TGM6: variants seen among roughly 807,000 people sequenced by gnomAD.
The protein encoded by TGM6 is protein-glutamine gamma-glutamyltransferase 6.
TGM6 carries 74 observed loss-of-function variants against 77.5 expected under a neutral mutation model. The observed-to-expected ratio is 0.96, with a 90% CI of 0.79 to 1.16. The LOEUF (loss-of-function observed/expected upper bound fraction) is 1.16, where lower values mean the gene tolerates loss of function less well. Among genes scored for constraint, TGM6 ranks in the 50% most tolerant of loss-of-function variants. TGM6 has a pLI of 0.00. For missense variants in TGM6, 968 were observed against 940.2 expected (o/e 1.03, Z -0.39); for synonymous variants, 383 against 378.9 (o/e 1.01, Z -0.12).
chr20:2,417,809 CT>C (rs2084829196), intron 10 of TGM6, among the ~76,000 whole-genome samples: 1 of 152,122 alleles, frequency 6.6e-6, no homozygotes, highest in Non-Finnish European at 1.5e-5. Flanking sequence ...TGGTGGCAAT[CT>C]GATGAAGATG....
intron 5 of TGM6, among the ~76,000 whole-genome samples, 176 bp downstream of exon 5, chr20:2,398,222 TA>T (rs1322926306): frequency 6.6e-6 from 1 of 152,234 alleles, no homozygotes; most frequent in Non-Finnish European, 1.5e-5. Context: ...TACTGTTTTT[TA>T]GACTAGGAAT....
At chr20:2,430,087 G>A (rs1238118116) in intron 10 of TGM6, among the ~76,000 whole-genome samples, 9 of 152,196 alleles carry the variant, frequency 5.9e-5, no homozygotes, top group Non-Finnish European at 1.3e-4. Flanking sequence ...AACAGAGAAG[G>A]ATGGGATGAA....
chr20:2,429,645 T>C (rs1267323055), intron 10 of TGM6, among the ~76,000 whole-genome samples: 2 of 152,154 alleles, frequency 1.3e-5, no homozygotes, highest in African/African-American at 4.8e-5. Flanking sequence ...GGCATGTGCC[T>C]GTAGTCCCAG....
At chr20:2,430,387 C>T (rs2084916164) in intron 10 of TGM6, 59 bp from the exon 11 acceptor site, 2 of 1,605,796 alleles carry the variant, frequency 1.2e-6, no homozygotes, top group Non-Finnish European at 1.7e-6. Flanking sequence ...CTTCCTTCTT[C>T]CCAGTGCCAT....
At chr20:2,417,630 T>C in intron 10 of TGM6, 57 bp downstream of exon 10, 1 of 1,523,604 alleles carries the variant, frequency 6.6e-7, no homozygotes, top group Non-Finnish European at 8.8e-7. Context: ...TTCAGGAGGG[T>C]TGTGGAGGTC....
intron 12 of TGM6, among the ~76,000 whole-genome samples, chr20:2,432,239 G>T (rs2084928355): frequency 6.6e-6 from 1 of 152,040 alleles, no homozygotes; most frequent in Non-Finnish European, 1.5e-5. Flanking sequence ...GTAGAGATGA[G>T]GTTTCACCAC....
At chr20:2,398,079 T>C (rs1885188789) in intron 5 of TGM6, 33 bp downstream of exon 5, 2 of 1,614,024 alleles carry the variant, frequency 1.2e-6, no homozygotes, top group Non-Finnish European at 1.7e-6. Flanking sequence ...CACATGTACT[T>C]CCTCAAGGAT....
At chr20:2,400,277 C>T (rs372068028) in intron 6 of TGM6, 29 bp from the exon 7 acceptor site, 36 of 1,613,650 alleles carry the variant, frequency 2.2e-5, no homozygotes, top group African/African-American at 1.1e-4. Flanking sequence ...GCCAGGGTCC[C>T]GCCTGCTCCG....
intron 4 of TGM6, among the ~76,000 whole-genome samples, chr20:2,396,842 G>C (rs2084672352): frequency 6.6e-6 from 1 of 152,196 alleles, no homozygotes; most frequent in Admixed American, 6.5e-5. Flanking sequence ...TTTGGACACA[G>C]AACAGGTCAG....
At chr20:2,382,923 C>T (rs2084566235) in intron 1 of TGM6, among the ~76,000 whole-genome samples, 1 of 152,122 alleles carries the variant, frequency 6.6e-6, no homozygotes, top group Non-Finnish European at 1.5e-5. Flanking sequence ...ACCCTTTTGC[C>T]ATGATTAAAT....
chr20:2,392,267 G>A (rs1439086093), intron 1 of TGM6, among the ~76,000 whole-genome samples: 2 of 152,212 alleles, frequency 1.3e-5, no homozygotes, highest in Non-Finnish European at 2.9e-5. Flanking sequence ...GGAAGAGGAT[G>A]CTTGGGCTGA....
chr20:2,414,556 C>T (rs1468392156), intron 9 of TGM6, among the ~76,000 whole-genome samples: 1 of 152,158 alleles, frequency 6.6e-6, no homozygotes, highest in Non-Finnish European at 1.5e-5. Flanking sequence ...ACTGCACTCC[C>T]AGCTACATTT....
chr20:2,421,624 G>A (rs1258900120), intron 10 of TGM6, among the ~76,000 whole-genome samples: 1 of 152,118 alleles, frequency 6.6e-6, no homozygotes, highest in Non-Finnish European at 1.5e-5. Flanking sequence ...TTTTAATCGG[G>A]TTGTTCATTT....
At chr20:2,381,117 C>T (rs570198632) in intron 1 of TGM6, 142 bp downstream of exon 1, 24 of 1,299,188 alleles carry the variant, frequency 1.8e-5, no homozygotes, top group Middle Eastern at 1.9e-4. Context: ...ATGAACTCTT[C>T]GTGTGGATTC....
chr20:2,425,260 T>C (rs2084880040), intron 10 of TGM6, among the ~76,000 whole-genome samples: 2 of 151,904 alleles, frequency 1.3e-5, no homozygotes, highest in Non-Finnish European at 2.9e-5. Flanking sequence ...GGCAGGAGGA[T>C]TGCTTGAGCC....
chr20:2,420,425 T>G (rs2084848525), intron 10 of TGM6, among the ~76,000 whole-genome samples: 1 of 152,206 alleles, frequency 6.6e-6, no homozygotes, highest in Non-Finnish European at 1.5e-5. Context: ...GTTATTAACA[T>G]CTTGCTTTAG....
At chr20:2,411,625 A>G (rs566064255) in intron 9 of TGM6, among the ~76,000 whole-genome samples, 1 of 152,302 alleles carries the variant, frequency 6.6e-6, no homozygotes, top group African/African-American at 2.4e-5. Context: ...TTGATTCGTC[A>G]TTTTTATGGA....
chr20:2,406,088 A>G (rs1396280245), intron 9 of TGM6, among the ~76,000 whole-genome samples: 5 of 152,148 alleles, frequency 3.3e-5, no homozygotes, highest in African/African-American at 1.2e-4. Flanking sequence ...CTCACACTTT[A>G]GCTCCTATCT....
chr20:2,428,592 T>C (rs1218351543), intron 10 of TGM6, among the ~76,000 whole-genome samples: 2 of 152,148 alleles, frequency 1.3e-5, no homozygotes, highest in African/African-American at 4.8e-5. Flanking sequence ...TATAAAGTAT[T>C]TGGCATCATT....
Sources: allele counts gnomAD v4.1 joint callset (sites outside exome capture counted in the v4.1 genomes callset), GRCh38; gene constraint gnomAD v4.1.1; transcripts MANE v1.5; gene names NCBI Gene and HGNC (gene_info 2026-07-23, HGNC 2026-07-21).